Variants in BCL11B observed in about 807,000 individuals in gnomAD.
The protein encoded by BCL11B is B-cell lymphoma/leukemia 11B.
Under a neutral mutation model 49.9 loss-of-function variants are expected in BCL11B, and 8 were observed. The ratio of observed to expected loss-of-function variants is 0.16; its 90% CI spans 0.09 to 0.29. The LOEUF (loss-of-function observed/expected upper bound fraction) is 0.29. BCL11B is among the 10% of genes least tolerant of loss of function. The pLI is 1.00. For synonymous variants in BCL11B, 739 were observed against 637.4 expected, an observed-to-expected ratio of 1.16 and a Z score of -2.40; for missense variants, 1,006 against 1,351.0, an observed-to-expected ratio of 0.74 and a Z score of 4.00.
intron 3 of BCL11B, among the ~76,000 whole-genome samples, chr14:99,181,182 C>A (rs1595222018): frequency 6.6e-6 from 1 of 152,306 alleles, no homozygotes; most frequent in East Asian, 1.9e-4. Flanking sequence ...CGAGAAGGAG[C>A]AGCAAGGAGA....
intron 2 of BCL11B, among the ~76,000 whole-genome samples, chr14:99,250,868 A>AG (rs1442372579): frequency 3.6e-3 from 1 of 276 alleles, no homozygotes; most frequent in East Asian, 0.25. Context: ...ACCTTAAGAG[A>AG]AAAAAAAAAC....
chr14:99,196,195 A>C (rs1324006674), intron 3 of BCL11B, among the ~76,000 whole-genome samples: 2 of 152,162 alleles, frequency 1.3e-5, no homozygotes, highest in Non-Finnish European at 2.9e-5. Flanking sequence ...GCTGCCCCCC[A>C]GCCCACGTCT....
At chr14:99,234,339 C>G (rs1042267894) in intron 2 of BCL11B, among the ~76,000 whole-genome samples, 1 of 152,176 alleles carries the variant, frequency 6.6e-6, no homozygotes, top group African/African-American at 2.4e-5. Flanking sequence ...GAAAAAACAG[C>G]CTCAGTACCT....
chr14:99,271,174 CCT>C lies in BCL11B; in HGVS notation c.43_44del (p.Arg15GlyfsTer8). 6.4e-7 allele frequency: 1 copy of C among 1,551,490 alleles called. No homozygotes were observed. On this transcript the variant is annotated frameshift_variant, in exon 1 of 4. Coordinates refer to ENST00000357195, the MANE Select transcript of BCL11B (RefSeq NM_138576.4). LOFTEE classifies it high-confidence loss of function. ...GCAGACACTTACGGGTGATGAGCTC[CCT>C]CTGGGACAAGTGCTGCGGGTTGCCC... ...KQGNPQHLSQ[R>X]ELITPEADHV...
rs1886429850 is a variant in BCL11B, at chr14:99,174,895, C to CGCGCCCGCGTCCCCGCAG, written c.1923_1940dup (p.Cys642_Ala647dup). On this transcript the variant is annotated inframe_insertion, in exon 4 of 4. Coordinates refer to ENST00000357195, the MANE Select transcript of BCL11B (RefSeq NM_138576.4). ...CCCCGCGCCCGTTGACCGCGCCGCC[C>CGCGCCCGCGTCCCCGCAG]GCGCCCGCGTCCCCGCAGCCGCCCG... The CGCGCCCGCGTCCCCGCAG allele has an allele frequency of 9.3e-7, 1 of 1,077,460 alleles. No individual in the cohort carries two copies. Among genetic ancestry groups the CGCGCCCGCGTCCCCGCAG allele is most frequent in the African/African-American group, 1.7e-5 (1 of 58,142 alleles). The allele number at this position is 1,077,460 out of a possible 1,614,324, so 66.7% of individuals were successfully genotyped here. A position where few individuals can be genotyped will look rare whatever the true frequency, so the allele number is the denominator to read the frequency against.
chr14:99,175,704 G>A lies in BCL11B; in HGVS notation c.1132C>T (p.Pro378Ser). The change falls in exon 4 of 4, where the codon CCG (proline) becomes TCG (serine). Residue 378 changes from proline to serine, a missense_variant. Pro to Ser is a moderately conservative substitution (Grantham distance 74). Around this residue, in one of 6 missense-constraint regions of BCL11B, gnomAD observed 97 missense variants for 81.5 expected, o/e 1.19. Coordinates refer to ENST00000357195, the MANE Select transcript of BCL11B (RefSeq NM_138576.4). ...TTGCCGCGGCCCGGGGACACGGGCG[G>A]CGGCGTGGAGCTGTTGCCCGCCAGC... Reference protein sequence around the residue: ...RELAGNSSTPPPVSPGRGNPM... With the variant: ...RELAGNSSTPSPVSPGRGNPM... 1.3e-6 allele frequency: 2 copies of A among 1,500,206 alleles called. No individual in the cohort carries two copies. Among genetic ancestry groups the A allele is most frequent in the Non-Finnish European group, 1.8e-6 (2 of 1,140,568 alleles). The allele number at this position is 1,500,206 out of a possible 1,614,324, so 92.9% of individuals were successfully genotyped here. A position where few individuals can be genotyped will look rare whatever the true frequency, so the allele number is the denominator to read the frequency against.
chr14:99,249,707 T>G (rs1888946645), intron 2 of BCL11B, among the ~76,000 whole-genome samples: 1 of 152,134 alleles, frequency 6.6e-6, no homozygotes, highest in South Asian at 2.1e-4. Context: ...GGCTTCAGTT[T>G]CCTCTTCTAT....
Position 99,228,975 on chromosome 14 carries a change from CATGGATGG to C in BCL11B, c.640+2362_640+2369del, listed in dbSNP as rs1299706059. On this transcript the variant is annotated intron_variant, in intron 3 of 3. Transcript: ENST00000357195. The surrounding 1 kb of genome is among the most constrained non-coding windows in gnomAD (Gnocchi z 4.8). ...GGATGGATGGATGCATGGATGGATGCATGGATGGATGGATGGCTACATGGATGAATGGA... is the reference window on the plus strand; with the variant it reads ...GGATGGATGGATGCATGGATGGATGCATGGATGGCTACATGGATGAATGGA... Among the ~76,000 whole-genome samples the C allele has an allele frequency of 1.5e-5, 2 of 132,998 alleles. No homozygotes were observed. Among genetic ancestry groups the C allele is most frequent in the African/African-American group, 5.8e-5 (2 of 34,696 alleles). The allele number at this position is 132,998 out of a possible 152,430, so 87.3% of individuals were successfully genotyped here.
At chr14:99,259,445 G>A (rs769331106) in intron 1 of BCL11B, among the ~76,000 whole-genome samples, 47 of 152,310 alleles carry the variant, frequency 3.1e-4, no homozygotes, top group Non-Finnish European at 5.3e-4. Flanking sequence ...AATATACGAC[G>A]ATGTAAGACG....
chr14:99,213,144 C>G lies in BCL11B; in HGVS notation c.640+18201G>C, dbSNP rs900222759. ...TCACATGAGCAGACAGACAGGGAGG[C>G]TTTTCAGCTGGGCAGGAATCATTTG... On this transcript the variant is annotated intron_variant, in intron 3 of 3. Coordinates refer to ENST00000357195, the MANE Select transcript of BCL11B (RefSeq NM_138576.4). This position sits in a 1 kb window ranked among gnomAD's most constrained non-coding sequence, Gnocchi z 5.1. Among the ~76,000 whole-genome samples, 4 of 152,294 alleles carry G rather than the reference C, an allele frequency of 2.6e-5. No homozygotes were observed. Among genetic ancestry groups the G allele is most frequent in the Admixed American group, 2.6e-4 (4 of 15,304 alleles).
At chr14:99,256,123 G>A (rs1047594115) in intron 2 of BCL11B, among the ~76,000 whole-genome samples, 1 of 152,188 alleles carries the variant, frequency 6.6e-6, no homozygotes, top group African/African-American at 2.4e-5. Flanking sequence ...CCCTGACTGC[G>A]TCCTGGGTGA....
At position 99,173,554 on chromosome 14, in the gene BCL11B, C is replaced by CA. The variant is rs59537098; in HGVS notation, c.*596dup. ...CACCCCCCACCCCAAAAACAAAAAC[C>CA]AAAAAAAAAATTAAAAAATAATTAA... is the stretch of plus-strand genomic sequence containing the variant. On this transcript the variant is annotated 3_prime_UTR_variant, in exon 4 of 4. Coordinates refer to ENST00000357195, the MANE Select transcript of BCL11B (RefSeq NM_138576.4). 0.41 allele frequency: 70,314 copies of CA among 172,566 alleles called. 14,367 individuals carry two copies. The highest frequency in any genetic ancestry group is 0.52 in the South Asian group (2,410 of 4,654). The allele number at this position is 172,566 out of a possible 1,614,324, so 10.7% of individuals were successfully genotyped here.
chr14:99,226,066 G>A (rs772167664), intron 3 of BCL11B, among the ~76,000 whole-genome samples: 77 of 152,364 alleles, frequency 5.1e-4, no homozygotes, highest in Admixed American at 2.5e-3. Context: ...GCGCTTGCAC[G>A]CCAGGAAGAG....
intron 3 of BCL11B, among the ~76,000 whole-genome samples, chr14:99,187,043 G>A (rs138562945): frequency 2.6e-4 from 40 of 152,296 alleles, no homozygotes; most frequent in African/African-American, 8.9e-4. Flanking sequence ...GCTGTCGGTG[G>A]AACAGGGAAG....
chr14:99,182,204 C>T (rs1886725123), intron 3 of BCL11B, among the ~76,000 whole-genome samples: 1 of 152,302 alleles, frequency 6.6e-6, no homozygotes, highest in South Asian at 2.1e-4. Flanking sequence ...TTATGAAATC[C>T]TTACCACCTG....
intron 3 of BCL11B, among the ~76,000 whole-genome samples, chr14:99,230,130 C>A (rs1243500385): frequency 6.6e-6 from 1 of 152,148 alleles, no homozygotes; most frequent in African/African-American, 2.4e-5. Flanking sequence ...CTCCAGGCCA[C>A]CCTACTAGGG....
intron 3 of BCL11B, among the ~76,000 whole-genome samples, chr14:99,218,895 T>C (rs973605756): frequency 3.3e-5 from 5 of 152,200 alleles, no homozygotes; most frequent in Non-Finnish European, 7.3e-5. Flanking sequence ...TTATTTTAAT[T>C]GTTCAGAAGA....
Position 99,228,199 on chromosome 14 carries a change from G to A in BCL11B, c.640+3146C>T, listed in dbSNP as rs1888213296. ...GGGACAAAACCAGGTAAGGACAGCA[G>A]GCCCATTCCATCTTTACAAAGGCCT... On this transcript the variant is annotated intron_variant, in intron 3 of 3. Transcript: ENST00000357195. This position sits in a 1 kb window ranked among gnomAD's most constrained non-coding sequence, Gnocchi z 4.8. 6.6e-6 allele frequency among the ~76,000 whole-genome samples: 1 copy of A among 152,220 alleles called. No individual in the cohort carries two copies. Among genetic ancestry groups the A allele is most frequent in the Non-Finnish European group, 1.5e-5 (1 of 68,034 alleles).
rs1180853232 is a variant in BCL11B, at chr14:99,231,854, G to T, written c.428-297C>A. 6.6e-6 allele frequency among the ~76,000 whole-genome samples: 1 copy of T among 151,876 alleles called. No homozygotes were observed. The highest frequency in any genetic ancestry group is 2.1e-4 in the South Asian group (1 of 4,808). ...GGTGCAGGGGGCTGGGTGAACGGGG[G>T]CTGTGAGGACCCACTCTCAGGAAGG... is the stretch of plus-strand genomic sequence containing the variant. On this transcript the variant is annotated intron_variant, in intron 2 of 3. Transcript: ENST00000357195. This position sits in a 1 kb window ranked among gnomAD's most constrained non-coding sequence, Gnocchi z 8.1.
Sources: allele counts gnomAD v4.1 joint callset (sites outside exome capture counted in the v4.1 genomes callset), GRCh38; gene constraint gnomAD v4.1.1; regional missense constraint gnomAD v4.1.1; non-coding constraint Gnocchi (gnomAD v3.1); transcripts MANE v1.5; gene names NCBI Gene and HGNC (gene_info 2026-07-23, HGNC 2026-07-21).